The following MGRN1 variants were observed in gnomAD, a reference collection of about 807,000 sequenced individuals.
MGRN1 encodes E3 ubiquitin-protein ligase MGRN1.
A neutral mutation model predicts 69.2 loss-of-function variants in MGRN1; 29 were observed. The ratio of observed to expected loss-of-function variants is 0.42; its 90% confidence interval spans 0.31 to 0.57. The LOEUF (loss-of-function observed/expected upper bound fraction) is 0.57, where lower values mean the gene tolerates loss of function less well. Among genes scored for constraint, MGRN1 ranks in the 20% least tolerant of loss-of-function variants. MGRN1 has a pLI of 0.15. For missense variants in MGRN1, 998 were observed against 796.2 expected (o/e 1.25, Z -3.05); for synonymous variants, 470 against 344.2 (o/e 1.37, Z -4.04).
intron 16 of MGRN1, chr16:4,686,263 G>C: frequency 6.5e-7 from 1 of 1,544,180 alleles, no homozygotes; most frequent in Non-Finnish European, 8.7e-7. Context: ...GCGCAGCCCT[G>C]GGGCCCGACT....
At chr16:4,668,724 A>T (rs1226290905) in intron 8 of MGRN1, among the ~76,000 whole-genome samples, 2 of 150,600 alleles carry the variant, frequency 1.3e-5, no homozygotes, top group Non-Finnish European at 3.0e-5. Context: ...TCACTCACAT[A>T]TACATAGACA....
rs199769383 is a variant in MGRN1 at position 4,664,701 on chromosome 16, C to G, written c.562-8C>G. Reference sequence around the variant, plus strand: ...GGTCCTGACCATTCTTGGCAACTCTCTCCTCAGCTGAACTTTGACCTGGAC... The same window carrying G: ...GGTCCTGACCATTCTTGGCAACTCTGTCCTCAGCTGAACTTTGACCTGGAC... On this transcript the variant is annotated splice_region_variant and splice_polypyrimidine_tract_variant and intron_variant, in intron 5 of 16. Transcript: ENST00000262370. The G allele has an allele frequency of 5.9e-5, 96 of 1,614,214 alleles. No homozygotes were observed. In the African/African-American group the frequency reaches 6.7e-4, roughly 11 times the overall value.
At chr16:4,630,585 T>C (rs1286923329) in intron 1 of MGRN1, among the ~76,000 whole-genome samples, 1 of 151,506 alleles carries the variant, frequency 6.6e-6, no homozygotes, top group Non-Finnish European at 1.5e-5. Flanking sequence ...GTAGCTGAGA[T>C]TACAGGTGCG....
chr16:4,654,039 C>T (rs1016734110), intron 4 of MGRN1, among the ~76,000 whole-genome samples: 5 of 152,116 alleles, frequency 3.3e-5, no homozygotes, highest in African/African-American at 1.2e-4. Context: ...GCCGTGAGCC[C>T]CCATGCCCGG....
chr16:4,659,341 G>A (rs1300044574), intron 5 of MGRN1, among the ~76,000 whole-genome samples: 2 of 152,058 alleles, frequency 1.3e-5, no homozygotes, highest in Admixed American at 1.3e-4. Flanking sequence ...TGGGAGTTTG[G>A]GAGGTGTCTG....
At chr16:4,643,182 G>A (rs184907775) in intron 1 of MGRN1, among the ~76,000 whole-genome samples, 83 of 151,780 alleles carry the variant, frequency 5.5e-4, no homozygotes, top group Non-Finnish European at 9.1e-4. Context: ...TCTCAATCTC[G>A]ATCTCCTGAC....
chr16:4,653,481 G>A (rs2078453546), intron 4 of MGRN1, among the ~76,000 whole-genome samples: 1 of 151,986 alleles, frequency 6.6e-6, no homozygotes, highest in African/African-American at 2.4e-5. Context: ...CCAGGTTTTT[G>A]TTTTGTTTTT....
intron 12 of MGRN1, 107 bp downstream of exon 12, chr16:4,680,204 T>C: frequency 5.4e-6 from 6 of 1,116,968 alleles, no homozygotes; most frequent in Non-Finnish European, 7.9e-6. Context: ...CTGATTCATA[T>C]AACCCGTCAG....
intron 3 of MGRN1, 75 bp downstream of exon 3, chr16:4,652,126 T>C: frequency 6.8e-7 from 1 of 1,474,684 alleles, no homozygotes; most frequent in Non-Finnish European, 9.3e-7. Context: ...GGCTTGATGC[T>C]TGAGGAAAAG....
chr16:4,689,230 G>GC lies in MGRN1; in HGVS notation c.*324dup. The GC allele has an allele frequency of 3.4e-6, 1 of 292,814 alleles. No individual in the cohort carries two copies. Among genetic ancestry groups the GC allele is most frequent in the Non-Finnish European group, 6.4e-6 (1 of 156,920 alleles). 18.1% of individuals were successfully genotyped at this position (292,814 alleles called of 1,614,324 possible). On this transcript the variant is annotated 3_prime_UTR_variant, in exon 17 of 17. Coordinates refer to ENST00000262370, the MANE Select transcript of MGRN1 (RefSeq NM_015246.4). ...CCCACGTGTGGCCTCCGCTGGCTCT[G>GC]CCTGCTCCTGCAACAGTGCGGTCCC...
intron 5 of MGRN1, among the ~76,000 whole-genome samples, chr16:4,659,384 C>G (rs896386356): frequency 6.6e-6 from 1 of 152,074 alleles, no homozygotes; most frequent in East Asian, 1.9e-4. Context: ...TCCTGGGGTC[C>G]CTCCCCAGCC....
chr16:4,661,092 C>T (rs1346955906), intron 5 of MGRN1, among the ~76,000 whole-genome samples: 1 of 152,090 alleles, frequency 6.6e-6, no homozygotes, highest in Non-Finnish European at 1.5e-5. Flanking sequence ...GCGATCCTCT[C>T]ACCTCAACTT....
chr16:4,660,807 A>G (rs555801290), intron 5 of MGRN1, among the ~76,000 whole-genome samples: 1 of 152,152 alleles, frequency 6.6e-6, no homozygotes, highest in Non-Finnish European at 1.5e-5. Context: ...CAGGCTCACA[A>G]GGGGCCTACA....
chr16:4,627,583 G>T (rs58195453), intron 1 of MGRN1, among the ~76,000 whole-genome samples: 11,738 of 147,922 alleles, frequency 0.079, 561 homozygotes, highest in East Asian at 0.19. Flanking sequence ...GTCAGGAGAT[G>T]GAGACCATCC....
intron 10 of MGRN1, 29 bp from the exon 11 acceptor site, chr16:4,677,434 G>A: frequency 6.6e-7 from 1 of 1,518,350 alleles, no homozygotes; most frequent in Non-Finnish European, 8.8e-7. Context: ...TGTCGCCTGG[G>A]CCTGATCTGA....
chr16:4,670,368 G>A (rs1567219788), intron 8 of MGRN1, among the ~76,000 whole-genome samples: 1 of 152,122 alleles, frequency 6.6e-6, no homozygotes, highest in Non-Finnish European at 1.5e-5. Flanking sequence ...TCAGCATCCC[G>A]AGTAGCTGGG....
intron 1 of MGRN1, among the ~76,000 whole-genome samples, chr16:4,648,603 C>T (rs1596277005): frequency 9.2e-6 from 1 of 108,258 alleles, no homozygotes. Context: ...GGGCTCTTCC[C>T]GTGGTCACCC....
At position 4,681,035 on chromosome 16, in the gene MGRN1, T is replaced by G. The variant is rs1332761148; in HGVS notation, c.1132-515T>G. Among the ~76,000 whole-genome samples, 3 of 152,180 alleles carry G rather than the reference T, an allele frequency of 2.0e-5. No individual in the cohort carries two copies. The East Asian group carries it at 5.8e-4, about 29-fold the overall frequency. On this transcript the variant is annotated intron_variant, in intron 12 of 16. Coordinates refer to ENST00000262370, the MANE Select transcript of MGRN1 (RefSeq NM_015246.4). Reference sequence around the variant, plus strand: ...CCTTGTTGATTCTGTCTGCTCCCAGTGAGGGAAGAACAGTGGCTCTTAGCC... The same window carrying G: ...CCTTGTTGATTCTGTCTGCTCCCAGGGAGGGAAGAACAGTGGCTCTTAGCC...
rs532201674 is a variant in MGRN1, at chr16:4,689,928, G to C, written c.*1020G>C. On this transcript the variant is annotated 3_prime_UTR_variant, in exon 17 of 17. Coordinates refer to ENST00000262370, the MANE Select transcript of MGRN1 (RefSeq NM_015246.4). ...ATTACAGGTGCCTACCAGCATGCTC[G>C]GCTAATTTTTTTGTATTTTTAGTAG... 6.6e-6 allele frequency: 1 copy of C among 152,084 alleles called. No homozygotes were observed. 9.4% of individuals were successfully genotyped at this position (152,084 alleles called of 1,614,324 possible).
Sources: allele counts gnomAD v4.1 joint callset (sites outside exome capture counted in the v4.1 genomes callset), GRCh38; gene constraint gnomAD v4.1.1; transcripts MANE v1.5; gene names NCBI Gene and HGNC (gene_info 2026-07-23, HGNC 2026-07-21).